The following FAM107A variants were observed in gnomAD, a reference collection of about 807,000 sequenced individuals.
FAM107A encodes actin-associated protein FAM107A.
FAM107A carries 19 observed loss-of-function variants against 13.7 expected under a neutral mutation model. That is an observed-to-expected ratio of 1.38 (90% confidence interval 0.97 to 2.03). The LOEUF (loss-of-function observed/expected upper bound fraction) is 2.03. FAM107A is among the 30% of genes most tolerant of loss of function. The pLI is 0.00. For synonymous variants in FAM107A, 82 were observed against 74.5 expected (o/e 1.10, Z -0.52); for missense variants, 203 against 184.4 (o/e 1.10, Z -0.58).
exon 1 of FAM107A, chr3:58,587,077 G>T (rs538872869): frequency 1.5e-6 from 2 of 1,364,062 alleles, no homozygotes; most frequent in Non-Finnish European, 9.4e-7. Flanking sequence ...TTACGGCGGC[G>T]GCCGGAGGGG....
At chr3:58,615,679 T>A (rs551641214) in intron 1 of FAM107A, among the ~76,000 whole-genome samples, 2 of 152,028 alleles carry the variant, frequency 1.3e-5, no homozygotes, top group Non-Finnish European at 2.9e-5. Context: ...GTGGATTCCT[T>A]GAGCCCAGAA....
At chr3:58,601,967 C>T (rs1559483883) in intron 1 of FAM107A, among the ~76,000 whole-genome samples, 1 of 152,014 alleles carries the variant, frequency 6.6e-6, no homozygotes. Context: ...GGTCAAGGAA[C>T]TGGATCCCTA....
At chr3:58,596,042 G>T (rs1259276080) in intron 1 of FAM107A, among the ~76,000 whole-genome samples, 3 of 152,250 alleles carry the variant, frequency 2.0e-5, no homozygotes, top group Non-Finnish European at 4.4e-5. Flanking sequence ...ATACTATTGT[G>T]TAATGTACAA....
chr3:58,626,984 G>A, intron 1 of FAM107A: 6 of 1,535,968 alleles, frequency 3.9e-6, no homozygotes, highest in Non-Finnish European at 4.4e-6. Flanking sequence ...CTTCCCCTGG[G>A]CTGCTCCCAT....
intron 1 of FAM107A, among the ~76,000 whole-genome samples, chr3:58,619,485 C>T (rs1202378028): frequency 1.3e-5 from 2 of 152,212 alleles, no homozygotes; most frequent in Non-Finnish European, 1.5e-5. Flanking sequence ...GTTCCTGGGA[C>T]ATGCCGCAGC....
chr3:58,586,794 G>A, intron 1 of FAM107A: 3 of 1,461,566 alleles, frequency 2.1e-6, no homozygotes, highest in Non-Finnish European at 2.7e-6. Context: ...GGGACTGAGC[G>A]CCGTGCACCA....
At chr3:58,595,264 A>G (rs964228085) in intron 1 of FAM107A, among the ~76,000 whole-genome samples, 3 of 152,168 alleles carry the variant, frequency 2.0e-5, no homozygotes, top group African/African-American at 4.8e-5. Flanking sequence ...ATAAGAAGAC[A>G]GGAATGTCAG....
intron 1 of FAM107A, among the ~76,000 whole-genome samples, chr3:58,595,531 C>T (rs960323019): frequency 1.3e-4 from 20 of 151,794 alleles, no homozygotes; most frequent in African/African-American, 4.6e-4. Flanking sequence ...TCTCCCCGCC[C>T]TTGAGAATGT....
Position 58,595,476 on chromosome 3 carries a change from C to A in FAM107A, c.-69-6207G>T, listed in dbSNP as rs149934245. Among the ~76,000 whole-genome samples, 19 of 152,222 alleles carry A rather than the reference C, an allele frequency of 1.2e-4. No homozygotes were observed. The South Asian group carries it at 2.3e-3, about 18-fold the overall frequency. On this transcript the variant is annotated intron_variant, in intron 1 of 3. Transcript: ENST00000465970. ...TGACAATACACCCTCCCTGCCCTTG[C>A]GATAATGTATATTCCCTTGCCCTTA...
At chr3:58,595,931 A>G (rs1253323831) in intron 1 of FAM107A, among the ~76,000 whole-genome samples, 1 of 152,240 alleles carries the variant, frequency 6.6e-6, no homozygotes, top group Non-Finnish European at 1.5e-5. Flanking sequence ...GCTGAAAAAT[A>G]TGGCCAACTG....
upstream of FAM107A, chr3:58,577,792 C>T (rs2063743014): frequency 1.1e-6 from 1 of 941,978 alleles, no homozygotes. This position sits in a 1 kb window ranked among gnomAD's most constrained non-coding sequence, Gnocchi z 4.9. Flanking sequence ...GAGAAAATGG[C>T]TCTGGGGGGA....
At chr3:58,592,897 T>A (rs549965488) in intron 1 of FAM107A, among the ~76,000 whole-genome samples, 1 of 152,320 alleles carries the variant, frequency 6.6e-6, no homozygotes, top group South Asian at 2.1e-4. Flanking sequence ...TAGGCAACTA[T>A]CTTCCAGTCC....
At chr3:58,595,669 C>T (rs1285211102) in intron 1 of FAM107A, among the ~76,000 whole-genome samples, 1 of 151,994 alleles carries the variant, frequency 6.6e-6, no homozygotes, top group Admixed American at 6.6e-5. Flanking sequence ...AGCCCGCCTG[C>T]ACCCAAGTGA....
chr3:58,577,856 A>G (rs1298472032), upstream of FAM107A: 1 of 316,700 alleles, frequency 3.2e-6, no homozygotes, highest in African/African-American at 2.2e-5. This position sits in a 1 kb window ranked among gnomAD's most constrained non-coding sequence, Gnocchi z 4.9. Context: ...TCAGTTCTTA[A>G]TTATCCACGA....
At chr3:58,579,348 C>T (rs1051664366), upstream of FAM107A, among the ~76,000 whole-genome samples, 4 of 152,012 alleles carry the variant, frequency 2.6e-5, no homozygotes, top group East Asian at 1.9e-4. Flanking sequence ...TGACCATTCT[C>T]GAGCCACTTA....
chr3:58,587,951 T>C (rs1293013451), upstream of FAM107A, among the ~76,000 whole-genome samples: 2 of 152,214 alleles, frequency 1.3e-5, no homozygotes, highest in African/African-American at 4.8e-5. Context: ...AGAGGGGTGA[T>C]GCAACTTCTC....
intron 1 of FAM107A, among the ~76,000 whole-genome samples, chr3:58,618,564 G>A (rs1322859302): frequency 1.3e-5 from 2 of 152,240 alleles, no homozygotes; most frequent in Non-Finnish European, 2.9e-5. Context: ...ATTCTTATTC[G>A]TGAACGAGGA....
At chr3:58,582,797 AGTTT>A (rs894502452) in intron 1 of FAM107A, among the ~76,000 whole-genome samples, 6 of 152,248 alleles carry the variant, frequency 3.9e-5, no homozygotes, top group South Asian at 4.1e-4. Flanking sequence ...AGAGCATTCA[AGTTT>A]GTTTGTTTGT....
intron 1 of FAM107A, among the ~76,000 whole-genome samples, chr3:58,615,664 G>A (rs1415689744): frequency 1.3e-5 from 2 of 152,140 alleles, no homozygotes; most frequent in Non-Finnish European, 2.9e-5. Flanking sequence ...GGGAGGCTGA[G>A]GTGTGTGGAT....
Sources: gnomAD v4.1 joint callset for allele counts (sites outside exome capture counted in the v4.1 genomes callset) on GRCh38, gnomAD v4.1.1 for gene constraint, Gnocchi (gnomAD v3.1) non-coding constraint, MANE v1.5 for transcripts, NCBI Gene and HGNC (gene_info 2026-07-23, HGNC 2026-07-21) for gene names.